The following MBP variants were observed in gnomAD, a reference collection of about 807,000 sequenced individuals.
MBP encodes myelin basic protein, also known as Golli-MBP.
A neutral mutation model predicts 35.8 loss-of-function variants in MBP; 16 were observed. The ratio of observed to expected loss-of-function variants is 0.45; its 90% CI spans 0.30 to 0.68. The LOEUF (loss-of-function observed/expected upper bound fraction) is 0.68, where lower values mean the gene tolerates loss of function less well. Among genes scored for constraint, MBP ranks in the 30% least tolerant of loss-of-function variants. The probability of loss-of-function intolerance (pLI) is 0.08; values close to 1 mark genes in which losing one functional copy is unlikely to be tolerated. For missense variants in MBP, 380 were observed against 404.7 expected, an observed-to-expected ratio of 0.94 and a Z score of 0.52; for synonymous variants, 143 against 159.6, an observed-to-expected ratio of 0.90 and a Z score of 0.78.
intron 3 of MBP, among the ~76,000 whole-genome samples, chr18:77,053,280 G>A (rs536912639): frequency 2.6e-4 from 39 of 152,330 alleles, no homozygotes; most frequent in Admixed American, 9.8e-4. Flanking sequence ...GTGGGCAGGG[G>A]CCCCACTGCA....
At position 76,988,680 on chromosome 18, in the gene MBP, C is replaced by G; in HGVS notation, c.718-153G>C. On this transcript the variant is annotated intron_variant, in intron 6 of 8. Coordinates refer to ENST00000355994, the MANE Select transcript of MBP (RefSeq NM_001025101.2). This position sits in a 1 kb window ranked among gnomAD's most constrained non-coding sequence, Gnocchi z 5.2. ...GAGGGGGGCCGCAGGCTCAGGGCCA[C>G]AGCGGCTGTGCAGGTGCGGGAGGGA... is the stretch of plus-strand genomic sequence containing the variant. 1 of 1,446,044 alleles carries G rather than the reference C, an allele frequency of 6.9e-7. No individual in the cohort carries two copies. The allele number at this position is 1,446,044 out of a possible 1,614,324, so 89.6% of individuals were successfully genotyped here.
chr18:77,034,501 T>C (rs1457852122), intron 3 of MBP, among the ~76,000 whole-genome samples: 1 of 152,156 alleles, frequency 6.6e-6, no homozygotes, highest in Non-Finnish European at 1.5e-5. Context: ...TACAAAACTT[T>C]GAGCTCATAA....
At chr18:77,132,258 G>C (rs1977306521) in intron 1 of MBP, among the ~76,000 whole-genome samples, 1 of 151,998 alleles carries the variant, frequency 6.6e-6, no homozygotes, top group Admixed American at 6.5e-5. Flanking sequence ...GTCGGGCCCC[G>C]GCGCTGTAAA....
At chr18:77,047,183 C>T (rs747649951) in intron 3 of MBP, among the ~76,000 whole-genome samples, 8 of 152,260 alleles carry the variant, frequency 5.3e-5, no homozygotes, top group Non-Finnish European at 7.3e-5. Flanking sequence ...AAACCCTGAA[C>T]GCCAAGGCTC....
intron 4 of MBP, chr18:77,009,982 C>A: frequency 2.5e-6 from 3 of 1,217,810 alleles, no homozygotes; most frequent in Non-Finnish European, 3.6e-6. Flanking sequence ...GCCGGCAATG[C>A]CCCAAAGTCC....
chr18:77,030,419 G>T (rs995212225), intron 3 of MBP, among the ~76,000 whole-genome samples: 1 of 152,162 alleles, frequency 6.6e-6, no homozygotes, highest in Non-Finnish European at 1.5e-5. Context: ...AGGAAGGGAC[G>T]GGAAGCTTTG....
chr18:77,126,629 A>T (rs554429633), intron 1 of MBP, among the ~76,000 whole-genome samples: 1 of 152,338 alleles, frequency 6.6e-6, no homozygotes, highest in Admixed American at 6.5e-5. Context: ...ATCTACATAG[A>T]CAATCCCAAG....
At position 77,023,487 on chromosome 18, in the gene MBP, T is replaced by TG. The variant is rs112628698; in HGVS notation, c.140-6220dup. 1.5e-3 allele frequency among the ~76,000 whole-genome samples: 225 copies of TG among 152,246 alleles called. 3 individuals are homozygous for TG. The highest frequency in any genetic ancestry group is 5.1e-3 in the African/African-American group (211 of 41,544). ...TGCTGGGGCTCTCACTGCGACATCGTGGCTAATTCCCTCATCTCCAGGATC... is the reference window on the plus strand; with the variant it reads ...TGCTGGGGCTCTCACTGCGACATCGTGGGCTAATTCCCTCATCTCCAGGATC... On this transcript the variant is annotated intron_variant, in intron 3 of 8. Transcript: ENST00000355994.
At chr18:77,090,525 G>A (rs1300043630) in intron 2 of MBP, among the ~76,000 whole-genome samples, 2 of 152,176 alleles carry the variant, frequency 1.3e-5, no homozygotes, top group Non-Finnish European at 2.9e-5. Flanking sequence ...TTTCACCACT[G>A]AGGTGGCTCT....
chr18:77,079,342 C>T (rs1383346044), intron 2 of MBP, among the ~76,000 whole-genome samples: 2 of 152,226 alleles, frequency 1.3e-5, no homozygotes, highest in African/African-American at 4.8e-5. Flanking sequence ...CCACCCATGG[C>T]CACGGCCACT....
At chr18:77,132,906 C>G (rs1392873383), upstream of MBP, 2 of 151,910 alleles carry the variant, frequency 1.3e-5, no homozygotes, top group Non-Finnish European at 2.9e-5. Flanking sequence ...GACGCGGCCG[C>G]CGGCGCCGCC....
chr18:76,993,567 A>C (rs905722815), intron 4 of MBP, among the ~76,000 whole-genome samples: 9 of 145,370 alleles, frequency 6.2e-5, no homozygotes, highest in African/African-American at 1.8e-4. Context: ...AAAAAAAAAA[A>C]ACAAAAGATC....
Position 76,989,806 on chromosome 18 carries a change from T to C in MBP, c.681+150A>G, listed in dbSNP as rs1198869321. Reference sequence around the variant, plus strand: ...CGCTTGCCTGGAACTCGCGATCAGGTGCGAGGGGGGAGTTCCCCGGCCGGC... The same window carrying C: ...CGCTTGCCTGGAACTCGCGATCAGGCGCGAGGGGGGAGTTCCCCGGCCGGC... On this transcript the variant is annotated intron_variant, in intron 5 of 8. Transcript: ENST00000355994. The surrounding 1 kb of genome is among the most constrained non-coding windows in gnomAD (Gnocchi z 4.0). 4.6e-6 allele frequency: 3 copies of C among 653,634 alleles called. No homozygotes were observed. The highest frequency in any genetic ancestry group is 5.5e-6 in the Non-Finnish European group (2 of 363,630). The allele number at this position is 653,634 out of a possible 1,614,324, so 40.5% of individuals were successfully genotyped here.
At chr18:76,994,837 C>T (rs1433498852) in intron 4 of MBP, among the ~76,000 whole-genome samples, 1 of 152,172 alleles carries the variant, frequency 6.6e-6, no homozygotes, top group Admixed American at 6.5e-5. Flanking sequence ...AGAACTGACA[C>T]TGGTCTTCAG....
At chr18:77,076,448 G>A (rs1162808844) in intron 2 of MBP, among the ~76,000 whole-genome samples, 1 of 152,210 alleles carries the variant, frequency 6.6e-6, no homozygotes, top group Non-Finnish European at 1.5e-5. Flanking sequence ...ACCTGCAGAG[G>A]GCTTGGGCCA....
intron 3 of MBP, among the ~76,000 whole-genome samples, chr18:77,052,982 G>T (rs932090623): frequency 2.0e-5 from 3 of 152,214 alleles, no homozygotes; most frequent in African/African-American, 7.2e-5. Flanking sequence ...GTGAGTCCAC[G>T]CTAGACCTCA....
chr18:77,042,650 T>C (rs753443601), intron 3 of MBP, among the ~76,000 whole-genome samples: 1 of 152,206 alleles, frequency 6.6e-6, no homozygotes, highest in African/African-American at 2.4e-5. Context: ...GTTGCAGAGC[T>C]GTACGCAGCA....
chr18:77,053,442 T>A (rs906454646), intron 3 of MBP, among the ~76,000 whole-genome samples: 1 of 152,252 alleles, frequency 6.6e-6, no homozygotes, highest in Non-Finnish European at 1.5e-5. Context: ...CTCACCCTAA[T>A]TCCAAAGAAC....
intron 2 of MBP, among the ~76,000 whole-genome samples, chr18:77,080,747 A>C (rs1974860872): frequency 6.6e-6 from 1 of 152,106 alleles, no homozygotes; most frequent in African/African-American, 2.4e-5. Flanking sequence ...GCAGTGGTAC[A>C]ATCTCAGCTC....
Sources: allele counts gnomAD v4.1 joint callset (sites outside exome capture counted in the v4.1 genomes callset), GRCh38; gene constraint gnomAD v4.1.1; non-coding constraint Gnocchi (gnomAD v3.1); transcripts MANE v1.5; gene names NCBI Gene and HGNC (gene_info 2026-07-23, HGNC 2026-07-21).